DCC: variants seen among roughly 807,000 people sequenced by gnomAD.
DCC encodes the protein DCC netrin 1 receptor.
Under a neutral mutation model 172.5 loss-of-function variants are expected in DCC, and 58 were observed. The observed-to-expected ratio is 0.34, with a 90% CI of 0.27 to 0.42. DCC has a LOEUF of 0.42. DCC is among the 10% of genes least tolerant of loss of function. The pLI is 1.00. For missense variants in DCC, 1,740 were observed against 1,791.0 expected (o/e 0.97, Z 0.51); for synonymous variants, 709 against 644.5 (o/e 1.10, Z -1.52).
At chr18:52,896,489 C>G (rs2039731739) in intron 2 of DCC, among the ~76,000 whole-genome samples, 1 of 152,126 alleles carries the variant, frequency 6.6e-6, no homozygotes, top group Admixed American at 6.5e-5. Context: ...AGAAGGACTT[C>G]ATTCTAACTT....
At chr18:52,752,968 G>A (rs1320179600) in intron 2 of DCC, among the ~76,000 whole-genome samples, 3 of 151,140 alleles carry the variant, frequency 2.0e-5, no homozygotes, top group Non-Finnish European at 4.4e-5. Context: ...TCCATTGTGT[G>A]TGTGTATGTA....
chr18:53,104,994 T>C lies in DCC; in HGVS notation c.1261+38828T>C, dbSNP rs139044528. Among the ~76,000 whole-genome samples the C allele has an allele frequency of 8.5e-3, 1,287 of 152,180 alleles. 22 individuals are homozygous for C. The highest frequency in any genetic ancestry group is 0.03 in the African/African-American group (1,240 of 41,544). The stretch of plus-strand genomic sequence containing the variant: ...TAATTCCCATCTGTGATTATGTAAA[T>C]GCATTCTAGTTTTCATGCATGCATT... On this transcript the variant is annotated intron_variant, in intron 7 of 28. Transcript: ENST00000442544.
intron 2 of DCC, among the ~76,000 whole-genome samples, chr18:52,819,884 A>AT (rs772081736): frequency 1.2e-4 from 17 of 145,144 alleles, no homozygotes; most frequent in East Asian, 2.3e-4. Flanking sequence ...ATGCCCAGCT[A>AT]ATTTTTTTTT....
chr18:53,046,344 A>G lies in DCC; in HGVS notation c.986-16961A>G, dbSNP rs547507898. Among the ~76,000 whole-genome samples the G allele has an allele frequency of 4.6e-5, 7 of 151,946 alleles. No individual in the cohort carries two copies. In the East Asian group the frequency reaches 7.8e-4, roughly 17 times the overall value. Reference sequence around the variant, plus strand: ...AGCAATGCATTAATGCTTGCCAAATATTAAGTGAAAAAATAAAAAGCAAAG... The same window carrying G: ...AGCAATGCATTAATGCTTGCCAAATGTTAAGTGAAAAAATAAAAAGCAAAG... On this transcript the variant is annotated intron_variant, in intron 5 of 28. Coordinates refer to ENST00000442544, the MANE Select transcript of DCC (RefSeq NM_005215.4).
chr18:52,714,536 T>A (rs17682479), intron 1 of DCC, among the ~76,000 whole-genome samples: 6,798 of 152,266 alleles, frequency 0.045, 220 homozygotes, highest in South Asian at 0.13. Flanking sequence ...AAGGAACTGC[T>A]ATATTGGGAA....
At chr18:53,500,713 T>G (rs376845133) in intron 27 of DCC, among the ~76,000 whole-genome samples, 8 of 151,936 alleles carry the variant, frequency 5.3e-5, no homozygotes, top group African/African-American at 1.9e-4. Flanking sequence ...GAGTGGAGCA[T>G]GAAAGCATGT....
At chr18:52,644,588 A>AG (rs2034974797) in intron 1 of DCC, among the ~76,000 whole-genome samples, 1 of 151,114 alleles carries the variant, frequency 6.6e-6, no homozygotes, top group African/African-American at 2.4e-5. Flanking sequence ...CAAAAAAAAA[A>AG]AAAAAAAATT....
chr18:53,172,523 C>T (rs2055028907), intron 8 of DCC, among the ~76,000 whole-genome samples: 1 of 152,010 alleles, frequency 6.6e-6, no homozygotes, highest in Non-Finnish European at 1.5e-5. Context: ...AGGGTTATGG[C>T]CAGCGTGACT....
chr18:53,277,722 A>G (rs2056822367), intron 12 of DCC, among the ~76,000 whole-genome samples: 1 of 152,152 alleles, frequency 6.6e-6, no homozygotes, highest in South Asian at 2.1e-4. Flanking sequence ...GCTGTACAGA[A>G]AAGCTCAGCT....
At chr18:52,877,218 C>G (rs1051644833) in intron 2 of DCC, among the ~76,000 whole-genome samples, 2 of 152,092 alleles carry the variant, frequency 1.3e-5, no homozygotes, top group African/African-American at 2.4e-5. Flanking sequence ...TATAGGAAGT[C>G]TAGCAGCATC....
intron 1 of DCC, among the ~76,000 whole-genome samples, chr18:52,687,677 A>G (rs1294406159): frequency 6.6e-6 from 1 of 152,132 alleles, no homozygotes; most frequent in Non-Finnish European, 1.5e-5. Context: ...GGCTGTTAGC[A>G]AGCAGAATTA....
intron 5 of DCC, among the ~76,000 whole-genome samples, chr18:52,958,774 T>C (rs2040790960): frequency 6.6e-6 from 1 of 152,072 alleles, no homozygotes. Context: ...AGAGACATGT[T>C]GTCGGGAGGG....
chr18:52,846,504 A>G (rs1383837643), intron 2 of DCC, among the ~76,000 whole-genome samples: 2 of 151,952 alleles, frequency 1.3e-5, no homozygotes, highest in Admixed American at 1.3e-4. Flanking sequence ...GAGTCACTAC[A>G]CTACAGCCTG....
intron 1 of DCC, among the ~76,000 whole-genome samples, chr18:52,578,161 G>A (rs900837758): frequency 6.6e-6 from 1 of 152,136 alleles, no homozygotes; most frequent in African/African-American, 2.4e-5. Flanking sequence ...ATATGCTATT[G>A]CCATCCACCC....
intron 23 of DCC, among the ~76,000 whole-genome samples, chr18:53,454,920 T>A (rs1444259883): frequency 6.6e-6 from 1 of 152,224 alleles, no homozygotes; most frequent in East Asian, 1.9e-4. Context: ...TTCTGAGATA[T>A]ATTTGAGTAT....
chr18:53,382,681 T>C (rs1041679216), intron 15 of DCC, among the ~76,000 whole-genome samples: 1 of 152,140 alleles, frequency 6.6e-6, no homozygotes, highest in African/African-American at 2.4e-5. Flanking sequence ...TTAACACTTG[T>C]TGATTGATTA....
intron 2 of DCC, among the ~76,000 whole-genome samples, chr18:52,898,095 T>A (rs943933442): frequency 3.9e-5 from 6 of 152,218 alleles, no homozygotes; most frequent in Non-Finnish European, 7.3e-5. Context: ...CAGGCTTTAA[T>A]TTGGAGCAAA....
At chr18:53,292,795 G>T (rs1008014113) in intron 12 of DCC, among the ~76,000 whole-genome samples, 4 of 152,198 alleles carry the variant, frequency 2.6e-5, no homozygotes, top group African/African-American at 9.6e-5. Flanking sequence ...TAATCTAATT[G>T]TTGCAATCAG....
In DCC at chr18:53,531,832, T is replaced by TCAGA; in HGVS notation, c.*1180_*1183dup. The TCAGA allele has an allele frequency of 6.6e-6, 1 of 152,302 alleles. No homozygotes were observed. The highest frequency in any genetic ancestry group is 2.1e-4 in the South Asian group (1 of 4,830). 9.4% of individuals were successfully genotyped at this position (152,302 alleles called of 1,614,324 possible). On this transcript the variant is annotated 3_prime_UTR_variant, in exon 29 of 29. Coordinates refer to ENST00000442544, the MANE Select transcript of DCC (RefSeq NM_005215.4). ...GGGAAACTTTTACACTACACCTGTG[T>TCAGA]CAGAGTCAGGGGGAAGCAGAGGGGC... is the stretch of plus-strand genomic sequence containing the variant.
Sources: allele counts gnomAD v4.1 joint callset (sites outside exome capture counted in the v4.1 genomes callset), GRCh38; gene constraint gnomAD v4.1.1; transcripts MANE v1.5; gene names NCBI Gene and HGNC (gene_info 2026-07-23, HGNC 2026-07-21).